The following SLC9A2 variants were observed in gnomAD, a reference collection of about 807,000 sequenced individuals.
The protein encoded by SLC9A2 is sodium/hydrogen exchanger 2.
SLC9A2 carries 42 observed loss-of-function variants against 71.7 expected under a neutral mutation model. The ratio of observed to expected loss-of-function variants is 0.59; its 90% CI spans 0.46 to 0.76. The LOEUF is 0.76. SLC9A2 is among the 30% of genes least tolerant of loss of function. The probability of loss-of-function intolerance (pLI) is 0.00; values close to 1 mark genes in which losing one functional copy is unlikely to be tolerated. For missense variants in SLC9A2, 829 were observed against 1,017.4 expected (o/e 0.81, Z 2.52); for synonymous variants, 396 against 392.5 (o/e 1.01, Z -0.10).
chr2:102,687,247 A>G (rs925052837), intron 5 of SLC9A2, among the ~76,000 whole-genome samples: 1 of 151,982 alleles, frequency 6.6e-6, no homozygotes, highest in African/African-American at 2.4e-5. Context: ...TCTTCCTCCT[A>G]TTCTCCTACC....
In SLC9A2 at chr2:102,708,556, G is replaced by A; in HGVS notation, c.*67G>A. Reference sequence around the variant, plus strand: ...GCTGTGGTTTGTCACTCTGAAACCTGATGCAACAGTGGAATCCATGTAAAA... The same window carrying A: ...GCTGTGGTTTGTCACTCTGAAACCTAATGCAACAGTGGAATCCATGTAAAA... On this transcript the variant is annotated 3_prime_UTR_variant, in exon 12 of 12. Coordinates refer to ENST00000233969, the MANE Select transcript of SLC9A2 (RefSeq NM_003048.6). The A allele has an allele frequency of 6.6e-7, 1 of 1,525,900 alleles. No individual in the cohort carries two copies. The highest frequency in any genetic ancestry group is 8.8e-7 in the Non-Finnish European group (1 of 1,129,954). 94.5% of individuals were successfully genotyped at this position (1,525,900 alleles called of 1,614,324 possible). A position where few individuals can be genotyped will look rare whatever the true frequency, so the allele number is the denominator to read the frequency against.
Position 102,708,625 on chromosome 2 carries a change from C to G in SLC9A2, c.*136C>G, listed in dbSNP as rs974202953. 9 of 1,047,544 alleles carry G rather than the reference C, an allele frequency of 8.6e-6. No homozygotes were observed. Among genetic ancestry groups the G allele is most frequent in the Admixed American group, 8.0e-5 (3 of 37,610 alleles). 64.9% of individuals were successfully genotyped at this position (1,047,544 alleles called of 1,614,324 possible). ...ACTTCTGGAGGGCGACAGATTCATG[C>G]CACGGATAAATGAGGCAAATCCGAA... On this transcript the variant is annotated 3_prime_UTR_variant, in exon 12 of 12. Coordinates refer to ENST00000233969, the MANE Select transcript of SLC9A2 (RefSeq NM_003048.6).
At chr2:102,671,508 T>C (rs12052835) in intron 3 of SLC9A2, among the ~76,000 whole-genome samples, 47,458 of 152,072 alleles carry the variant, frequency 0.31, 8,352 homozygotes, top group East Asian at 0.52. Flanking sequence ...TTCTTTTCTA[T>C]TGTATAACTT....
chr2:102,663,291 C>T (rs1237839455), intron 2 of SLC9A2, among the ~76,000 whole-genome samples: 4 of 151,902 alleles, frequency 2.6e-5, no homozygotes, highest in Admixed American at 2.6e-4. Flanking sequence ...AGTGTTACAC[C>T]AACAATTAGG....
At position 102,705,849 on chromosome 2, in the gene SLC9A2, T is replaced by C. The variant is rs753751044; in HGVS notation, c.1981T>C (p.Ser661Pro). ...AGATTTTATATTTCTTTTACAGGCT[T>C]CCACTTCAACCTCCCGATATTTATC... ...DSSLNREHRA[S>P]TSTSRYLSLP... The change falls in exon 11 of 12, where the codon TCC (serine) becomes CCC (proline). Residue 661 changes from serine to proline, a missense_variant. Physicochemically the swap from Ser to Pro is moderately conservative, Grantham distance 74. Around this residue, in one of 3 missense-constraint regions of SLC9A2, gnomAD observed 223 missense variants for 197.5 expected, o/e 1.13. Coordinates refer to ENST00000233969, the MANE Select transcript of SLC9A2 (RefSeq NM_003048.6). The C allele has an allele frequency of 1.3e-6, 2 of 1,583,584 alleles. No homozygotes were observed. The highest frequency in any genetic ancestry group is 2.3e-5 in the South Asian group (2 of 86,572).
intron 1 of SLC9A2, among the ~76,000 whole-genome samples, chr2:102,634,252 G>A (rs2104503213): frequency 6.6e-6 from 1 of 152,228 alleles, no homozygotes. Flanking sequence ...TCATTTGGAT[G>A]GTAATTGATT....
intron 1 of SLC9A2, among the ~76,000 whole-genome samples, chr2:102,650,612 G>A (rs1573407944): frequency 6.6e-6 from 1 of 152,346 alleles, no homozygotes. Flanking sequence ...CTGTAGGTAT[G>A]TGTTTGCTAT....
Position 102,708,573 on chromosome 2 carries a change from C to T in SLC9A2, c.*84C>T. The T allele has an allele frequency of 1.4e-6, 2 of 1,456,686 alleles. No homozygotes were observed. The highest frequency in any genetic ancestry group is 1.9e-6 in the Non-Finnish European group (2 of 1,076,420). The allele number at this position is 1,456,686 out of a possible 1,614,324, so 90.2% of individuals were successfully genotyped here. On this transcript the variant is annotated 3_prime_UTR_variant, in exon 12 of 12. Coordinates refer to ENST00000233969, the MANE Select transcript of SLC9A2 (RefSeq NM_003048.6). ...TGAAACCTGATGCAACAGTGGAATC[C>T]ATGTAAAACTCTCTGTGCATCTAAA... is the stretch of plus-strand genomic sequence containing the variant.
intron 1 of SLC9A2, among the ~76,000 whole-genome samples, chr2:102,620,570 C>T (rs954358043): frequency 2.0e-5 from 3 of 152,158 alleles, no homozygotes; most frequent in African/African-American, 7.2e-5. Flanking sequence ...GTGACACAGA[C>T]CCTGCTGTGC....
At chr2:102,683,592 C>T (rs1186020209) in intron 4 of SLC9A2, 114 bp downstream of exon 4, 15 of 781,830 alleles carry the variant, frequency 1.9e-5, no homozygotes, top group Non-Finnish European at 2.9e-5. Context: ...TGCTTAATTT[C>T]TTCTTCTTTC....
At chr2:102,688,433 GA>G (rs1677593023) in intron 5 of SLC9A2, among the ~76,000 whole-genome samples, 1 of 152,104 alleles carries the variant, frequency 6.6e-6, no homozygotes. Context: ...ACTACATTAA[GA>G]AAAATTATAA....
chr2:102,621,476 G>C (rs1676135994), intron 1 of SLC9A2, among the ~76,000 whole-genome samples: 1 of 151,706 alleles, frequency 6.6e-6, no homozygotes, highest in Non-Finnish European at 1.5e-5. Flanking sequence ...TTCATGTTAT[G>C]AGCATGGTGC....
At chr2:102,701,297 G>T in intron 8 of SLC9A2, 66 bp downstream of exon 8, 5 of 1,188,882 alleles carry the variant, frequency 4.2e-6, no homozygotes, top group Non-Finnish European at 5.9e-6. Flanking sequence ...TTTGAAACTG[G>T]TAATAATAAT....
intron 1 of SLC9A2, among the ~76,000 whole-genome samples, chr2:102,627,916 T>C (rs955336606): frequency 6.6e-6 from 1 of 152,164 alleles, no homozygotes; most frequent in Non-Finnish European, 1.5e-5. Context: ...CTGGTATTTT[T>C]ATGAATCCCT....
At chr2:102,649,172 C>G (rs1051296717) in intron 1 of SLC9A2, among the ~76,000 whole-genome samples, 1 of 152,164 alleles carries the variant, frequency 6.6e-6, no homozygotes, top group African/African-American at 2.4e-5. Context: ...TAACACCACA[C>G]ATCTACAACC....
At chr2:102,634,119 A>T (rs1362629899) in intron 1 of SLC9A2, among the ~76,000 whole-genome samples, 2 of 152,146 alleles carry the variant, frequency 1.3e-5, no homozygotes, top group African/African-American at 4.8e-5. Context: ...TTTTTTCACC[A>T]CACTTTAATG....
intron 1 of SLC9A2, among the ~76,000 whole-genome samples, chr2:102,638,773 T>C (rs1676517660): frequency 6.6e-6 from 1 of 152,248 alleles, no homozygotes; most frequent in African/African-American, 2.4e-5. Context: ...GGCAGGAGAA[T>C]TGCTTGAGGC....
chr2:102,648,431 CACAAG>C (rs1394263723), intron 1 of SLC9A2, among the ~76,000 whole-genome samples: 3 of 152,134 alleles, frequency 2.0e-5, no homozygotes, highest in African/African-American at 7.2e-5. Flanking sequence ...TGAAAACCGG[CACAAG>C]ACAAGGATGC....
In SLC9A2 at chr2:102,701,114, G is replaced by C. The variant is rs766000036; in HGVS notation, c.1631G>C (p.Arg544Pro). The change falls in exon 8 of 12, where the codon CGG (arginine) becomes CCG (proline). Residue 544 changes from arginine (R) to proline (P), a missense_variant. Arg to Pro is a moderately radical substitution (Grantham distance 103, BLOSUM62 -2). This residue lies in a region of SLC9A2 where 500 missense variants were observed against 726.3 expected (regional missense o/e 0.69). Transcript: ENST00000233969. ...AAATATCTGCGGAAGCTTTTGATTC[G>C]GGAAAACCAACCAAAGTCAAGTATT... is the stretch of plus-strand genomic sequence containing the variant. Reference protein sequence around the residue: ...DDKYLRKLLIRENQPKSSIVS... With the variant: ...DDKYLRKLLIPENQPKSSIVS... 1.2e-6 allele frequency: 2 copies of C among 1,609,014 alleles called. No individual in the cohort carries two copies. Among genetic ancestry groups the C allele is most frequent in the Non-Finnish European group, 1.7e-6 (2 of 1,178,252 alleles).
Sources: gnomAD v4.1 joint callset for allele counts (sites outside exome capture counted in the v4.1 genomes callset) on GRCh38, gnomAD v4.1.1 for gene constraint, gnomAD v4.1.1 regional missense constraint, MANE v1.5 for transcripts, NCBI Gene and HGNC (gene_info 2026-07-23, HGNC 2026-07-21) for gene names.